The following WFS1 variants were observed in gnomAD, a reference collection of about 807,000 sequenced individuals.
WFS1 encodes the protein wolframin.
WFS1 carries 90 observed loss-of-function variants against 68.5 expected under a neutral mutation model. The observed-to-expected ratio is 1.31, with a 90% CI of 1.11 to 1.56. WFS1 has a LOEUF of 1.56. Ranked by LOEUF, WFS1 falls within the 40% of genes most tolerant of loss-of-function variation. The pLI is 0.00. For synonymous variants in WFS1, 860 were observed against 540.7 expected, an observed-to-expected ratio of 1.59 and a Z score of -8.19; for missense variants, 1,767 against 1,232.6, an observed-to-expected ratio of 1.43 and a Z score of -6.49.
At chr4:6,293,098 G>A (rs1156950616) in intron 6 of WFS1, among the ~76,000 whole-genome samples, 7 of 152,202 alleles carry the variant, frequency 4.6e-5, no homozygotes, top group African/African-American at 7.2e-5. Context: ...TCCTGCCACC[G>A]AGGTGGCATG....
rs1384335167 is a variant in WFS1 at position 6,302,039 on chromosome 4, C to T, written c.2244C>T (p.Ser748=). The T allele has an allele frequency of 6.2e-7, 1 of 1,612,732 alleles. No individual in the cohort carries two copies. Among genetic ancestry groups the T allele is most frequent in the Non-Finnish European group, 8.5e-7 (1 of 1,179,962 alleles). The part of the protein sequence containing the change: ...AYPACSPGNT[S]TAEEELCRLK... Reference sequence around the variant, plus strand: ...CTGCCTGCAGCCCTGGCAACACCTCCACGGCCGAGGAGGAGCTCTGTCGCC... The same window carrying T: ...CTGCCTGCAGCCCTGGCAACACCTCTACGGCCGAGGAGGAGCTCTGTCGCC... The change falls in exon 8 of 8, where the codon TCC becomes TCT. Residue 748 remains serine (S), a synonymous_variant. Transcript: ENST00000226760.
In WFS1 at chr4:6,287,383, C is replaced by T; in HGVS notation, c.315+208C>T. The T allele has an allele frequency of 1.7e-6, 1 of 595,628 alleles. No homozygotes were observed. The highest frequency in any genetic ancestry group is 1.9e-5 in the South Asian group (1 of 53,330). 36.9% of individuals were successfully genotyped at this position (595,628 alleles called of 1,614,324 possible). A position where few individuals can be genotyped will look rare whatever the true frequency, so the allele number is the denominator to read the frequency against. On this transcript the variant is annotated intron_variant, in intron 3 of 7. Transcript: ENST00000226760. This position sits in a 1 kb window ranked among gnomAD's most constrained non-coding sequence, Gnocchi z 6.4. ...TTCCTCCTGGCACTCCTCTGGGGAG[C>T]AGCGCTCATCCCCCTTTTGTCCAAC...
At chr4:6,270,549 C>A (rs1220767332) in intron 1 of WFS1, among the ~76,000 whole-genome samples, 5 of 152,118 alleles carry the variant, frequency 3.3e-5, no homozygotes, top group Non-Finnish European at 7.4e-5. Flanking sequence ...TCCCCACAGC[C>A]CACTTAGGAG....
At chr4:6,291,875 T>C (rs1032051070) in intron 5 of WFS1, 42 bp from the exon 6 acceptor site, 2 of 1,572,302 alleles carry the variant, frequency 1.3e-6, no homozygotes, top group East Asian at 2.3e-5. Context: ...CACGAGGAGA[T>C]AGTCAACTTG....
Position 6,302,544 on chromosome 4 carries a change from C to T in WFS1, c.*76C>T. 6.3e-7 allele frequency: 1 copy of T among 1,594,582 alleles called. No individual in the cohort carries two copies. Among genetic ancestry groups the T allele is most frequent in the Non-Finnish European group, 8.5e-7 (1 of 1,173,778 alleles). ...CCCAGTGTGGCCCCAGCCCGACAGG[C>T]ATGCACCAGTGCCGCCTGTGCCCAC... On this transcript the variant is annotated 3_prime_UTR_variant, in exon 8 of 8. Transcript: ENST00000226760.
chr4:6,289,649 G>C (rs1340219596), intron 4 of WFS1, among the ~76,000 whole-genome samples: 3 of 152,180 alleles, frequency 2.0e-5, no homozygotes, highest in East Asian at 1.9e-4. Context: ...GGAGGAAAGG[G>C]ACGCAGCTCA....
At chr4:6,275,160 T>A (rs571029367) in intron 1 of WFS1, among the ~76,000 whole-genome samples, 2 of 152,354 alleles carry the variant, frequency 1.3e-5, no homozygotes, top group African/African-American at 4.8e-5. Context: ...TTGGTCTTGA[T>A]GGCAGAGATG....
At chr4:6,289,876 C>G (rs1365957893) in intron 4 of WFS1, among the ~76,000 whole-genome samples, 1 of 152,102 alleles carries the variant, frequency 6.6e-6, no homozygotes, top group African/African-American at 2.4e-5. Flanking sequence ...CATAAAGATA[C>G]AAATTACTCA....
chr4:6,277,913 A>G (rs550191090), intron 2 of WFS1, among the ~76,000 whole-genome samples: 20 of 152,020 alleles, frequency 1.3e-4, no homozygotes, highest in Middle Eastern at 6.8e-3. Context: ...TGGTGCCCCC[A>G]CTCCTCTGCA....
intron 1 of WFS1, among the ~76,000 whole-genome samples, chr4:6,275,773 G>A (rs898132032): frequency 6.6e-6 from 1 of 152,178 alleles, no homozygotes; most frequent in African/African-American, 2.4e-5. Flanking sequence ...AAATTGTTGT[G>A]TGTGGAGCCT....
At chr4:6,292,958 T>A (rs1730508079) in intron 6 of WFS1, among the ~76,000 whole-genome samples, 2 of 152,226 alleles carry the variant, frequency 1.3e-5, no homozygotes, top group South Asian at 4.1e-4. Context: ...CGCCTCTGCG[T>A]GGGCGGACAT....
rs141585847 is a variant in WFS1, at chr4:6,301,111, T to G, written c.1316T>G (p.Phe439Cys). 9.8e-5 allele frequency: 158 copies of G among 1,613,778 alleles called. No homozygotes were observed. The highest frequency in any genetic ancestry group is 1.6e-4 in the Middle Eastern group (1 of 6,062). ...CSELAVITGF[F>C]TVTSYLSLST... is the part of the protein sequence containing the mutation. Reference sequence around the variant, plus strand: ...GAGCTGGCTGTCATCACCGGCTTCTTTACCGTGACCAGCTACCTGAGCCTG... The same window carrying G: ...GAGCTGGCTGTCATCACCGGCTTCTGTACCGTGACCAGCTACCTGAGCCTG... Residue 439 changes from phenylalanine to cysteine, a missense_variant, in exon 8 of 8, where the codon TTT becomes TGT. Phe to Cys is a radical substitution (Grantham distance 205, BLOSUM62 -2). Transcript: ENST00000226760.
At position 6,287,171 on chromosome 4, in the gene WFS1, C is replaced by T; in HGVS notation, c.311C>T (p.Thr104Ile). 1 of 1,558,144 alleles carries T rather than the reference C, an allele frequency of 6.4e-7. No individual in the cohort carries two copies. The highest frequency in any genetic ancestry group is 1.4e-5 in the African/African-American group (1 of 74,038). The change falls in exon 3 of 8, where the codon ACT (threonine) becomes ATT (isoleucine). Residue 104 changes from threonine to isoleucine, a missense_variant. By Grantham distance (89) the Thr-to-Ile change is moderately conservative. Transcript: ENST00000226760. The surrounding 1 kb of genome is among the most constrained non-coding windows in gnomAD (Gnocchi z 6.4). ...RAKAGDPKAQ[T>I]EVGKHYLQLA... Reference sequence around the variant, plus strand: ...AAGGCCGGGGACCCCAAGGCACAGACTGAGGTGAGGACTGCGGTGCCGGCA... The same window carrying T: ...AAGGCCGGGGACCCCAAGGCACAGATTGAGGTGAGGACTGCGGTGCCGGCA...
At chr4:6,281,697 G>T (rs1730172521) in intron 2 of WFS1, among the ~76,000 whole-genome samples, 1 of 152,122 alleles carries the variant, frequency 6.6e-6, no homozygotes, top group Admixed American at 6.5e-5. Context: ...GCAGATGTGG[G>T]AGTGCGCTGA....
intron 6 of WFS1, chr4:6,294,753 C>T: frequency 2.2e-6 from 1 of 446,730 alleles, no homozygotes; most frequent in Non-Finnish European, 4.2e-6. Context: ...GTGAGTGGCC[C>T]CAGGCATAAG....
In WFS1 at chr4:6,295,129, C is replaced by T. The variant is rs147734431; in HGVS notation, c.801C>T (p.Asp267=). The T allele has an allele frequency of 5.0e-5, 80 of 1,613,212 alleles. No individual in the cohort carries two copies. The highest frequency in any genetic ancestry group is 4.0e-4 in the African/African-American group (30 of 75,048). ...TCCCCAGCAGCCTGTTCCTGCAGGA[C>T]GACGAAGATGATGACGAGCTGGCGG... The part of the protein sequence containing the change: ...GVIPSSLFLQ[D]DEDDDELAGK... The change falls in exon 7 of 8, where the codon GAC becomes GAT. Residue 267 remains aspartate, a synonymous_variant. Coordinates refer to ENST00000226760, the MANE Select transcript of WFS1 (RefSeq NM_006005.3).
intron 5 of WFS1, 74 bp downstream of exon 5, chr4:6,291,441 G>C: frequency 1.3e-6 from 2 of 1,570,676 alleles, no homozygotes; most frequent in Non-Finnish European, 1.7e-6. Context: ...CCTTCCCATA[G>C]GGGCTGGGAC....
chr4:6,296,102 C>T (rs936209202), intron 7 of WFS1, among the ~76,000 whole-genome samples: 12 of 152,196 alleles, frequency 7.9e-5, no homozygotes, highest in Admixed American at 2.6e-4. Context: ...CAGATGGGCG[C>T]GTGAGTCAGG....
In WFS1 at chr4:6,295,103, A is replaced by G; in HGVS notation, c.775A>G (p.Ile259Val). Residue 259 changes from isoleucine (I) to valine (V), a missense_variant, in exon 7 of 8, where the codon ATC becomes GTC. By Grantham distance (29) the Ile-to-Val change is conservative. Transcript: ENST00000226760. ...CACTAAGAAGTACGCCAAGGGCGTC[A>G]TCCCCAGCAGCCTGTTCCTGCAGGA... ...EITKKYAKGV[I>V]PSSLFLQDDE... 6.2e-7 allele frequency: 1 copy of G among 1,613,544 alleles called. No homozygotes were observed. The highest frequency in any genetic ancestry group is 8.5e-7 in the Non-Finnish European group (1 of 1,180,038).
Sources: gnomAD v4.1 joint callset for allele counts (sites outside exome capture counted in the v4.1 genomes callset) on GRCh38, gnomAD v4.1.1 for gene constraint, Gnocchi (gnomAD v3.1) non-coding constraint, MANE v1.5 for transcripts, NCBI Gene and HGNC (gene_info 2026-07-23, HGNC 2026-07-21) for gene names.